The following ADGRL2 variants were observed in gnomAD, a reference collection of about 807,000 sequenced individuals.
ADGRL2 encodes the protein adhesion G protein-coupled receptor L2.
ADGRL2 carries 44 observed loss-of-function variants against 157.4 expected under a neutral mutation model. That is an observed-to-expected ratio of 0.28 (90% CI 0.22 to 0.36). The LOEUF is 0.36. Ranked by LOEUF, ADGRL2 falls within the 10% of genes least tolerant of loss-of-function variation. ADGRL2 has a pLI of 1.00. For missense variants in ADGRL2, 1,510 were observed against 1,768.9 expected (o/e 0.85, Z 2.63); for synonymous variants, 585 against 624.7 (o/e 0.94, Z 0.95).
intron 1 of ADGRL2, among the ~76,000 whole-genome samples, chr1:81,416,803 A>G (rs951558473): frequency 4.6e-5 from 7 of 152,190 alleles, no homozygotes; most frequent in African/African-American, 1.7e-4. Flanking sequence ...AAGTAGTCAT[A>G]TAGGTGAAAT....
At chr1:81,319,029 C>G (rs912395304) in intron 1 of ADGRL2, among the ~76,000 whole-genome samples, 3 of 148,818 alleles carry the variant, frequency 2.0e-5, no homozygotes, top group African/African-American at 7.4e-5. Context: ...GCAACCTCCA[C>G]CTCCCAGGTT....
At chr1:81,555,663 TGTCACATGCTC>T (rs2080257721) in intron 2 of ADGRL2, among the ~76,000 whole-genome samples, 1 of 151,924 alleles carries the variant, frequency 6.6e-6, no homozygotes, top group Non-Finnish European at 1.5e-5. Context: ...AAGGCAGAGG[TGTCACATGCTC>T]TTTGTGGAGG....
At chr1:81,602,397 C>A (rs7532194) in intron 3 of ADGRL2, among the ~76,000 whole-genome samples, 111,851 of 151,932 alleles carry the variant, frequency 0.74, 41,344 homozygotes, top group Admixed American at 0.78. Flanking sequence ...GTTCAAGACC[C>A]ACCTGACCAA....
intron 1 of ADGRL2, among the ~76,000 whole-genome samples, chr1:81,757,964 G>A (rs1020055985): frequency 5.3e-5 from 8 of 152,088 alleles, no homozygotes; most frequent in African/African-American, 1.9e-4. Context: ...GTAAAAACAC[G>A]ATTTCCAAGG....
At chr1:81,675,169 G>C (rs1378866537) in intron 3 of ADGRL2, among the ~76,000 whole-genome samples, 1 of 152,094 alleles carries the variant, frequency 6.6e-6, no homozygotes, top group Non-Finnish European at 1.5e-5. Flanking sequence ...CAACACAAAA[G>C]AGCATAACTT....
chr1:81,687,918 C>T (rs1201940710), intron 3 of ADGRL2, among the ~76,000 whole-genome samples: 1 of 152,128 alleles, frequency 6.6e-6, no homozygotes, highest in African/African-American at 2.4e-5. Flanking sequence ...ATATTTCCTT[C>T]TTATATGATG....
At chr1:81,436,083 G>A (rs954038931) in intron 1 of ADGRL2, among the ~76,000 whole-genome samples, 13 of 152,108 alleles carry the variant, frequency 8.5e-5, no homozygotes, top group African/African-American at 2.9e-4. Context: ...CAATAAGAGC[G>A]AAACTCCATC....
chr1:81,601,749 G>A (rs369991220), intron 3 of ADGRL2, among the ~76,000 whole-genome samples: 5 of 152,204 alleles, frequency 3.3e-5, no homozygotes, highest in Non-Finnish European at 5.9e-5. Context: ...ATGTTTTCTC[G>A]TCATTTCACA....
At chr1:81,556,614 CAA>C (rs77400301) in intron 2 of ADGRL2, among the ~76,000 whole-genome samples, 1 of 143,978 alleles carries the variant, frequency 6.9e-6, no homozygotes. Context: ...TGCTAAAGAC[CAA>C]AAAAAAAAAA....
At chr1:81,704,938 A>G (rs1307321971) in intron 1 of ADGRL2, among the ~76,000 whole-genome samples, 1 of 152,224 alleles carries the variant, frequency 6.6e-6, no homozygotes, top group Non-Finnish European at 1.5e-5. Flanking sequence ...AGAAAAAGAC[A>G]CTTCTGCAGA....
At chr1:81,468,799 A>C (rs1028413634) in intron 2 of ADGRL2, among the ~76,000 whole-genome samples, 1 of 152,128 alleles carries the variant, frequency 6.6e-6, no homozygotes, top group African/African-American at 2.4e-5. Flanking sequence ...TTCATTTTTC[A>C]ATTGACATAC....
At chr1:81,707,010 A>G (rs753787900) in intron 1 of ADGRL2, among the ~76,000 whole-genome samples, 1 of 152,186 alleles carries the variant, frequency 6.6e-6, no homozygotes, top group Non-Finnish European at 1.5e-5. Context: ...TTGGAGGAAC[A>G]GAAGATAAGA....
intron 2 of ADGRL2, among the ~76,000 whole-genome samples, chr1:81,474,151 GT>G (rs1224075623): frequency 6.6e-6 from 1 of 152,252 alleles, no homozygotes; most frequent in Non-Finnish European, 1.5e-5. Context: ...GAACGTTTGA[GT>G]TTGGATAGAA....
chr1:81,754,688 C>T (rs1024423594), intron 1 of ADGRL2, among the ~76,000 whole-genome samples: 6 of 147,062 alleles, frequency 4.1e-5, no homozygotes, highest in Non-Finnish European at 7.5e-5. Flanking sequence ...CTCCCTTCCT[C>T]CCTCCCTTCC....
At chr1:81,473,283 T>C (rs536742962) in intron 2 of ADGRL2, among the ~76,000 whole-genome samples, 3 of 152,212 alleles carry the variant, frequency 2.0e-5, no homozygotes, top group African/African-American at 7.2e-5. Context: ...TATCCCACTT[T>C]CAAGGGAAAA....
chr1:81,330,406 T>C (rs1217651198), intron 1 of ADGRL2, among the ~76,000 whole-genome samples: 3 of 152,146 alleles, frequency 2.0e-5, no homozygotes, highest in Non-Finnish European at 4.4e-5. Context: ...TCAACATGTA[T>C]GCACACTTCC....
chr1:81,752,706 G>A (rs534408852), intron 1 of ADGRL2, among the ~76,000 whole-genome samples: 1 of 152,056 alleles, frequency 6.6e-6, no homozygotes, highest in African/African-American at 2.4e-5. Flanking sequence ...GTAGACACAG[G>A]GTTTTGCCAT....
intron 2 of ADGRL2, among the ~76,000 whole-genome samples, chr1:81,485,208 TG>T (rs2078475178): frequency 6.9e-6 from 1 of 145,772 alleles, no homozygotes; most frequent in African/African-American, 2.5e-5. Context: ...CCTGTCTGAG[TG>T]GTGTGTAGTA....
chr1:81,960,107 T>A (rs1277772046), intron 11 of ADGRL2, among the ~76,000 whole-genome samples: 1 of 152,142 alleles, frequency 6.6e-6, no homozygotes, highest in Non-Finnish European at 1.5e-5. Context: ...GCCAAGTATT[T>A]TTTCATTAAA....
Sources: gnomAD v4.1 joint callset for allele counts (sites outside exome capture counted in the v4.1 genomes callset) on GRCh38, gnomAD v4.1.1 for gene constraint, MANE v1.5 for transcripts, NCBI Gene and HGNC (gene_info 2026-07-23, HGNC 2026-07-21) for gene names.